The following STXBP5L variants were observed in gnomAD, a reference collection of about 807,000 sequenced individuals.
STXBP5L encodes syntaxin binding protein 5L, also known as syntaxin-binding protein 5-like.
A neutral mutation model predicts 144.5 loss-of-function variants in STXBP5L; 65 were observed. That is an observed-to-expected ratio of 0.45 (90% CI 0.37 to 0.55). The LOEUF (loss-of-function observed/expected upper bound fraction) is 0.55. Ranked by LOEUF, STXBP5L falls within the 20% of genes least tolerant of loss-of-function variation. STXBP5L has a pLI of 0.00. For missense variants in STXBP5L, 1,298 were observed against 1,405.5 expected, an observed-to-expected ratio of 0.92 and a Z score of 1.22; for synonymous variants, 505 against 469.6, an observed-to-expected ratio of 1.08 and a Z score of -0.97.
chr3:121,000,839 G>A (rs540303379), intron 3 of STXBP5L, among the ~76,000 whole-genome samples: 5 of 152,240 alleles, frequency 3.3e-5, no homozygotes, highest in East Asian at 3.9e-4. Context: ...TATAAGTTGG[G>A]TTTAGTTGAC....
intron 5 of STXBP5L, among the ~76,000 whole-genome samples, chr3:121,091,108 T>A (rs9868198): frequency 0.19 from 27,819 of 149,232 alleles, 3,348 homozygotes; most frequent in Non-Finnish European, 0.26. Context: ...GGACATGAAC[T>A]CATCATTTTT....
chr3:121,258,801 A>G (rs982603068), intron 17 of STXBP5L, among the ~76,000 whole-genome samples: 7 of 152,156 alleles, frequency 4.6e-5, no homozygotes, highest in African/African-American at 1.7e-4. Flanking sequence ...GAAAAAATTG[A>G]AATGATAAAG....
intron 23 of STXBP5L, among the ~76,000 whole-genome samples, chr3:121,410,188 A>G (rs946048756): frequency 5.3e-5 from 8 of 151,618 alleles, no homozygotes; most frequent in South Asian, 4.2e-4. Flanking sequence ...TTTGGGGGGG[A>G]AAAAAGGTCT....
In STXBP5L at chr3:121,247,697, T is replaced by C. The variant is rs1184941317; in HGVS notation, c.1401-3026T>C. On this transcript the variant is annotated intron_variant, in intron 14 of 26. Coordinates refer to ENST00000471454, the MANE Select transcript of STXBP5L (RefSeq NM_001308330.2). ...GTAATATTCCATGGTATATATGTAC[T>C]ATATTTTCTTTATCCAATCCACTGT... Among the ~76,000 whole-genome samples the C allele has an allele frequency of 2.0e-5, 3 of 152,232 alleles. No homozygotes were observed. The East Asian group carries it at 5.8e-4, about 29-fold the overall frequency.
At chr3:121,023,996 G>T (rs990788388) in intron 3 of STXBP5L, among the ~76,000 whole-genome samples, 1 of 152,030 alleles carries the variant, frequency 6.6e-6, no homozygotes, top group Non-Finnish European at 1.5e-5. Context: ...CTGACCTTGT[G>T]ATACGCCCGC....
At chr3:121,318,443 A>T (rs1284895576) in intron 19 of STXBP5L, 32 bp from the exon 20 acceptor site, 2 of 1,518,916 alleles carry the variant, frequency 1.3e-6, no homozygotes, top group Admixed American at 4.2e-5. Flanking sequence ...TGCTAGCAAA[A>T]TTTATCTCAT....
At chr3:121,280,564 G>A (rs1395614636) in intron 19 of STXBP5L, among the ~76,000 whole-genome samples, 1 of 151,742 alleles carries the variant, frequency 6.6e-6, no homozygotes, top group Non-Finnish European at 1.5e-5. Context: ...ATAAACTTAA[G>A]GTAATTAGGA....
chr3:121,271,447 A>C (rs2050732058), intron 18 of STXBP5L, among the ~76,000 whole-genome samples: 1 of 152,160 alleles, frequency 6.6e-6, no homozygotes, highest in African/African-American at 2.4e-5. Context: ...CAGCTATCTT[A>C]GTCTTCTTTT....
intron 9 of STXBP5L, among the ~76,000 whole-genome samples, chr3:121,179,359 G>A (rs1443374028): frequency 1.3e-5 from 2 of 151,514 alleles, no homozygotes; most frequent in Admixed American, 6.6e-5. Context: ...AATCAAAATA[G>A]GCAAAAATAA....
At chr3:121,160,214 C>T (rs1295178745) in intron 9 of STXBP5L, among the ~76,000 whole-genome samples, 5 of 152,056 alleles carry the variant, frequency 3.3e-5, no homozygotes, top group Admixed American at 3.3e-4. Context: ...ATTAAATTTC[C>T]TAATATGATT....
At chr3:121,269,586 A>G (rs1313971090) in intron 18 of STXBP5L, among the ~76,000 whole-genome samples, 1 of 152,146 alleles carries the variant, frequency 6.6e-6, no homozygotes, top group Non-Finnish European at 1.5e-5. Flanking sequence ...TGGTACTTGC[A>G]TGTGCAACTG....
At chr3:121,203,349 TA>T (rs2048211931) in intron 9 of STXBP5L, among the ~76,000 whole-genome samples, 1 of 152,204 alleles carries the variant, frequency 6.6e-6, no homozygotes, top group South Asian at 2.1e-4. Context: ...GGCCTGTCAG[TA>T]AAACCAGTTT....
At chr3:121,312,898 T>C (rs1325982156) in intron 19 of STXBP5L, among the ~76,000 whole-genome samples, 1 of 152,146 alleles carries the variant, frequency 6.6e-6, no homozygotes, top group Non-Finnish European at 1.5e-5. Context: ...ATTTCTCAAT[T>C]CTTTCCCCAC....
intron 19 of STXBP5L, among the ~76,000 whole-genome samples, chr3:121,313,446 C>A (rs79934519): frequency 3.2e-5 from 2 of 62,918 alleles, no homozygotes; most frequent in Non-Finnish European, 6.3e-5. Context: ...GGGGCTGACC[C>A]CCCCACCTCC....
At chr3:121,158,975 C>G (rs1235403746) in intron 9 of STXBP5L, 1 of 151,946 alleles carries the variant, frequency 6.6e-6, no homozygotes, top group Non-Finnish European at 1.5e-5. Context: ...AACACATCAG[C>G]CTTGATGTCT....
intron 2 of STXBP5L, among the ~76,000 whole-genome samples, chr3:120,911,604 A>T (rs1324492201): frequency 6.6e-6 from 1 of 152,028 alleles, no homozygotes; most frequent in Non-Finnish European, 1.5e-5. Context: ...ATATATACGA[A>T]TATTATTGTT....
Position 121,254,924 on chromosome 3 carries a change from A to G in STXBP5L, c.1471A>G (p.Thr491Ala). 2 of 1,613,208 alleles carry G rather than the reference A, an allele frequency of 1.2e-6. No individual in the cohort carries two copies. Among genetic ancestry groups the G allele is most frequent in the Non-Finnish European group, 1.7e-6 (2 of 1,179,526 alleles). The change falls in exon 16 of 27, where the codon ACT (threonine) becomes GCT (alanine). Residue 491 changes from threonine to alanine, a missense_variant. Physicochemically the swap from Thr to Ala is moderately conservative, Grantham distance 58. Coordinates refer to ENST00000471454, the MANE Select transcript of STXBP5L (RefSeq NM_001308330.2). ...TCTGCAGATGCTGTACAAGCTAAAA[A>G]CTTCAAAAGTGTTTGAAAAACAGAA... ...ITLQMLYKLKTSKVFEKQKVG... is the reference protein window; with the variant it reads ...ITLQMLYKLKASKVFEKQKVG...
At chr3:121,278,217 A>G (rs1342192645) in intron 18 of STXBP5L, among the ~76,000 whole-genome samples, 1 of 151,892 alleles carries the variant, frequency 6.6e-6, no homozygotes, top group Non-Finnish European at 1.5e-5. Context: ...CTTGGTTGCT[A>G]TCCTTCTCTC....
rs1407166570 is a variant in STXBP5L at position 120,909,729 on chromosome 3, C to T, written c.151C>T (p.Gln51Ter). ...GTAGVLREEI[Q>*]ETLTSEYFQI... ...TGCAGGGGTTCTCAGAGAGGAAATT[C>T]AGGAAACTTTGACTTCGGAGTATTT... Residue 51 changes from glutamine to a stop codon, truncating the protein, a stop_gained, in exon 2 of 27, where the codon CAG becomes TAG. Transcript: ENST00000471454. LOFTEE classifies it high-confidence loss of function. The T allele has an allele frequency of 6.2e-7, 1 of 1,611,782 alleles. No homozygotes were observed. Among genetic ancestry groups the T allele is most frequent in the Admixed American group, 1.7e-5 (1 of 59,328 alleles).
Sources: allele counts gnomAD v4.1 joint callset (sites outside exome capture counted in the v4.1 genomes callset), GRCh38; gene constraint gnomAD v4.1.1; transcripts MANE v1.5; gene names NCBI Gene and HGNC (gene_info 2026-07-23, HGNC 2026-07-21).